Variants in DOCK1 observed in about 807,000 individuals in gnomAD.
DOCK1 encodes the protein dedicator of cytokinesis protein 1.
A neutral mutation model predicts 262.7 loss-of-function variants in DOCK1; 138 were observed. That is an observed-to-expected ratio of 0.53 (90% CI 0.46 to 0.61). The LOEUF is 0.61. DOCK1 is among the 20% of genes least tolerant of loss of function. DOCK1 has a pLI of 0.00. For synonymous variants in DOCK1, 866 were observed against 867.4 expected (o/e 1.00, Z 0.03); for missense variants, 1,908 against 2,370.7 (o/e 0.80, Z 4.05).
intron 29 of DOCK1, among the ~76,000 whole-genome samples, chr10:127,274,411 G>A (rs2060671820): frequency 6.6e-6 from 1 of 152,192 alleles, no homozygotes; most frequent in African/African-American, 2.4e-5. Flanking sequence ...ACTGCCTGAT[G>A]TTTTTCAGGG....
intron 44 of DOCK1, among the ~76,000 whole-genome samples, chr10:127,416,802 C>T (rs977883853): frequency 2.0e-5 from 3 of 152,116 alleles, no homozygotes; most frequent in East Asian, 1.9e-4. Context: ...GCTGTGTGCC[C>T]GGGATGAAAT....
At chr10:127,055,982 T>A (rs1167380662) in intron 22 of DOCK1, among the ~76,000 whole-genome samples, 8 of 152,172 alleles carry the variant, frequency 5.3e-5, no homozygotes, top group Admixed American at 2.6e-4. Flanking sequence ...GAGCCAGGCA[T>A]GGTCCACAAA....
At chr10:127,169,347 C>A (rs2054356482) in intron 27 of DOCK1, among the ~76,000 whole-genome samples, 1 of 152,194 alleles carries the variant, frequency 6.6e-6, no homozygotes, top group South Asian at 2.1e-4. Context: ...CATTGCCTGG[C>A]ACAGTGTCCA....
chr10:127,074,115 T>G (rs1356337820), intron 23 of DOCK1, among the ~76,000 whole-genome samples: 1 of 152,248 alleles, frequency 6.6e-6, no homozygotes, highest in Non-Finnish European at 1.5e-5. Flanking sequence ...CTCTGTTATA[T>G]TGAATACTTG....
At chr10:126,999,458 A>G in intron 9 of DOCK1, 23 bp downstream of exon 9, 5 of 1,598,500 alleles carry the variant, frequency 3.1e-6, no homozygotes, top group Non-Finnish European at 4.3e-6. Context: ...AAAGATGCTT[A>G]GTTGAATTGG....
chr10:127,268,129 G>A (rs1172979024), intron 29 of DOCK1, among the ~76,000 whole-genome samples: 5 of 152,172 alleles, frequency 3.3e-5, no homozygotes, highest in East Asian at 1.9e-4. Context: ...GCCCCCTGCC[G>A]CAAAGAGTCA....
chr10:127,348,901 G>A (rs905368996), intron 31 of DOCK1, among the ~76,000 whole-genome samples: 9 of 152,142 alleles, frequency 5.9e-5, no homozygotes, highest in Non-Finnish European at 1.2e-4. Flanking sequence ...CAGGAGATAC[G>A]ATCAATTTAA....
intron 30 of DOCK1, among the ~76,000 whole-genome samples, chr10:127,343,271 G>A (rs1293788498): frequency 6.6e-6 from 1 of 152,022 alleles, no homozygotes; most frequent in Non-Finnish European, 1.5e-5. Flanking sequence ...CATTGATGAA[G>A]TGCTTACACA....
At chr10:127,445,807 T>A (rs1320227089) in intron 50 of DOCK1, among the ~76,000 whole-genome samples, 1 of 152,162 alleles carries the variant, frequency 6.6e-6, no homozygotes, top group Non-Finnish European at 1.5e-5. Context: ...GAAATGTCCG[T>A]GCAATGGAAT....
At chr10:126,946,029 T>C (rs982097242) in intron 1 of DOCK1, among the ~76,000 whole-genome samples, 1 of 152,230 alleles carries the variant, frequency 6.6e-6, no homozygotes, top group South Asian at 2.1e-4. Flanking sequence ...GTTACTCACA[T>C]ACCATGCAGG....
intron 1 of DOCK1, among the ~76,000 whole-genome samples, chr10:126,945,508 CAG>C (rs2035332308): frequency 6.6e-6 from 1 of 151,740 alleles, no homozygotes; most frequent in Non-Finnish European, 1.5e-5. Context: ...AGGCAGAAGT[CAG>C]AGCCCTTTTG....
intron 38 of DOCK1, among the ~76,000 whole-genome samples, chr10:127,398,720 A>G (rs796630367): frequency 2.0e-5 from 3 of 152,336 alleles, no homozygotes; most frequent in African/African-American, 7.2e-5. Context: ...ACTTACAGCT[A>G]GTCAGCAAAT....
At position 127,446,323 on chromosome 10, in the gene DOCK1, T is replaced by TA. The variant is rs1412107397; in HGVS notation, c.5414-1070dup. On this transcript the variant is annotated intron_variant, in intron 50 of 51. Coordinates refer to ENST00000623213, the MANE Select transcript of DOCK1 (RefSeq NM_001290223.2). The surrounding 1 kb of genome is among the most constrained non-coding windows in gnomAD (Gnocchi z 4.4). ...GGGGCGGGAGAGAGGAGTGGAGAGT[T>TA]ACTGTTTAATGGGTACAGAATTCCG... 2.6e-5 allele frequency among the ~76,000 whole-genome samples: 4 copies of TA among 151,856 alleles called. 1 individual carries two copies. The South Asian group carries it at 8.3e-4, about 32-fold the overall frequency.
At chr10:127,236,291 C>T (rs944921131) in intron 27 of DOCK1, among the ~76,000 whole-genome samples, 1 of 151,522 alleles carries the variant, frequency 6.6e-6, no homozygotes, top group Non-Finnish European at 1.5e-5. Flanking sequence ...TTTTTGTATA[C>T]GGTTTAAGGT....
At chr10:127,303,018 A>G (rs1290747050) in intron 29 of DOCK1, among the ~76,000 whole-genome samples, 1 of 152,212 alleles carries the variant, frequency 6.6e-6, no homozygotes, top group Non-Finnish European at 1.5e-5. Context: ...AATCAGAAAC[A>G]AAAACACCAT....
chr10:127,087,997 G>A (rs536117500), intron 23 of DOCK1, among the ~76,000 whole-genome samples: 1 of 152,106 alleles, frequency 6.6e-6, no homozygotes, highest in South Asian at 2.1e-4. Flanking sequence ...GCCAGCGTTC[G>A]TATTTAATTG....
intron 7 of DOCK1, among the ~76,000 whole-genome samples, chr10:126,997,187 A>G (rs1402342469): frequency 6.6e-6 from 1 of 152,146 alleles, no homozygotes; most frequent in Non-Finnish European, 1.5e-5. Context: ...CTCTCGGATA[A>G]TGGTAGGCAG....
At chr10:127,261,634 T>TGTGGGTGTGC (rs1373143963) in intron 29 of DOCK1, among the ~76,000 whole-genome samples, 1,781 of 61,994 alleles carry the variant, frequency 0.029, 216 homozygotes, top group Non-Finnish European at 0.037. Context: ...TGTGTGTGCA[T>TGTGGGTGTGC]GTGTACCTGC....
chr10:127,078,762 T>A (rs1347418849), intron 23 of DOCK1, among the ~76,000 whole-genome samples: 1 of 152,146 alleles, frequency 6.6e-6, no homozygotes, highest in African/African-American at 2.4e-5. Flanking sequence ...TAAAAAGGAA[T>A]GAATTAAGGG....
Sources: gnomAD v4.1 joint callset for allele counts (sites outside exome capture counted in the v4.1 genomes callset) on GRCh38, gnomAD v4.1.1 for gene constraint, Gnocchi (gnomAD v3.1) non-coding constraint, MANE v1.5 for transcripts, NCBI Gene and HGNC (gene_info 2026-07-23, HGNC 2026-07-21) for gene names.